The following KHDRBS2 variants were observed in gnomAD, a reference collection of about 807,000 sequenced individuals.
KHDRBS2 encodes KH RNA binding domain containing, signal transduction associated 2.
Under a neutral mutation model 44.3 loss-of-function variants are expected in KHDRBS2, and 26 were observed. The observed-to-expected ratio is 0.59, with a 90% CI of 0.43 to 0.81. The LOEUF (loss-of-function observed/expected upper bound fraction) is 0.81, where lower values mean the gene tolerates loss of function less well. Among genes scored for constraint, KHDRBS2 ranks in the 40% least tolerant of loss-of-function variants. The probability of loss-of-function intolerance (pLI) is 0.00; values close to 1 mark genes in which losing one functional copy is unlikely to be tolerated. For missense variants in KHDRBS2, 476 were observed against 433.1 expected, an observed-to-expected ratio of 1.10 and a Z score of -0.88; for synonymous variants, 194 against 151.1, an observed-to-expected ratio of 1.28 and a Z score of -2.08.
At chr6:62,025,822 C>A (rs1360760567) in intron 3 of KHDRBS2, among the ~76,000 whole-genome samples, 2 of 151,968 alleles carry the variant, frequency 1.3e-5, no homozygotes, top group African/African-American at 4.8e-5. Flanking sequence ...CCAGCTTTTG[C>A]TTATTATTTC....
At chr6:61,713,608 C>G (rs1321862073) in intron 7 of KHDRBS2, among the ~76,000 whole-genome samples, 3 of 145,038 alleles carry the variant, frequency 2.1e-5, no homozygotes, top group African/African-American at 7.6e-5. Flanking sequence ...CTTAGGATTG[C>G]TTTGGCTTTT....
intron 4 of KHDRBS2, among the ~76,000 whole-genome samples, chr6:61,915,701 A>C (rs189052186): frequency 5.8e-4 from 89 of 152,214 alleles, no homozygotes; most frequent in Non-Finnish European, 1.0e-3. Context: ...AGATTTAAAA[A>C]TACTATCAAC....
At chr6:61,900,866 G>A (rs1803854511) in intron 5 of KHDRBS2, among the ~76,000 whole-genome samples, 1 of 152,186 alleles carries the variant, frequency 6.6e-6, no homozygotes, top group South Asian at 2.1e-4. Flanking sequence ...TCATGCGTGT[G>A]TTCTAATCCT....
chr6:62,240,600 A>T (rs1463761628), intron 1 of KHDRBS2, among the ~76,000 whole-genome samples: 1 of 147,082 alleles, frequency 6.8e-6, no homozygotes, highest in East Asian at 2.0e-4. Flanking sequence ...ATACATATAC[A>T]TACATATATC....
the KHDRBS2 span, among the ~76,000 whole-genome samples, chr6:61,605,324 T>G: frequency 6.6e-6 from 1 of 152,208 alleles, no homozygotes; most frequent in African/African-American, 2.4e-5. Flanking sequence ...TTGTTTACAC[T>G]GCTGGATTAC....
chr6:62,033,276 C>T (rs886283288), intron 3 of KHDRBS2, among the ~76,000 whole-genome samples: 5 of 151,766 alleles, frequency 3.3e-5, no homozygotes, highest in East Asian at 1.9e-4. Flanking sequence ...GTAGAGAAAG[C>T]GATAAGGGTA....
intron 6 of KHDRBS2, among the ~76,000 whole-genome samples, chr6:61,875,628 GTAT>G (rs2127309599): frequency 6.6e-6 from 1 of 152,196 alleles, no homozygotes; most frequent in East Asian, 1.9e-4. Context: ...TTTCCACAAA[GTAT>G]TATATCTATC....
intron 4 of KHDRBS2, among the ~76,000 whole-genome samples, chr6:61,925,876 T>A (rs1808871854): frequency 6.6e-6 from 1 of 152,190 alleles, no homozygotes; most frequent in Non-Finnish European, 1.5e-5. Flanking sequence ...CACTGCATTA[T>A]GGAACATTTA....
intron 6 of KHDRBS2, among the ~76,000 whole-genome samples, chr6:61,789,371 A>C (rs1784287956): frequency 6.6e-6 from 1 of 151,540 alleles, no homozygotes; most frequent in Non-Finnish European, 1.5e-5. Flanking sequence ...TGGTAGTAAA[A>C]GCAAAAATCA....
At chr6:62,091,203 T>A (rs1799435730) in intron 2 of KHDRBS2, among the ~76,000 whole-genome samples, 2 of 152,124 alleles carry the variant, frequency 1.3e-5, no homozygotes, top group African/African-American at 4.8e-5. Flanking sequence ...CCCATCAGGG[T>A]CAAATCTTAG....
intron 6 of KHDRBS2, among the ~76,000 whole-genome samples, chr6:61,789,420 GAAAC>G (rs1489893641): frequency 1.3e-5 from 2 of 151,332 alleles, no homozygotes; most frequent in Admixed American, 6.6e-5. Flanking sequence ...AAAGAATAAA[GAAAC>G]AAATTTAAAA....
intron 6 of KHDRBS2, among the ~76,000 whole-genome samples, chr6:61,877,828 T>C (rs1428968321): frequency 1.3e-5 from 2 of 151,986 alleles, no homozygotes; most frequent in African/African-American, 4.8e-5. Flanking sequence ...AGTGAAAATA[T>C]AGATATTATT....
At chr6:62,145,320 T>A (rs1284125041) in intron 2 of KHDRBS2, among the ~76,000 whole-genome samples, 1 of 151,612 alleles carries the variant, frequency 6.6e-6, no homozygotes, top group African/African-American at 2.4e-5. Flanking sequence ...TAAATTTATT[T>A]TATAGTTTTC....
At chr6:61,763,237 G>A (rs2127573350) in intron 6 of KHDRBS2, among the ~76,000 whole-genome samples, 1 of 152,262 alleles carries the variant, frequency 6.6e-6, no homozygotes, top group Admixed American at 6.5e-5. Context: ...TTGATCACTA[G>A]AGTGTTCTTC....
At chr6:62,059,198 G>GGTTT (rs1791036563) in intron 2 of KHDRBS2, among the ~76,000 whole-genome samples, 2 of 24,878 alleles carry the variant, frequency 8.0e-5, no homozygotes, top group African/African-American at 1.1e-4. Flanking sequence ...AAGTTAGGAA[G>GGTTT]TTTTTTTTTT....
intron 4 of KHDRBS2, among the ~76,000 whole-genome samples, chr6:61,920,253 C>T (rs1331828989): frequency 2.0e-5 from 3 of 151,822 alleles, no homozygotes; most frequent in Admixed American, 1.3e-4. Flanking sequence ...CACTTTGTGG[C>T]TTACCGTGAA....
chr6:61,631,979 T>C, the KHDRBS2 span, among the ~76,000 whole-genome samples: 29,374 of 152,054 alleles, frequency 0.19, 2,986 homozygotes, highest in African/African-American at 0.23. Context: ...AATATAGATT[T>C]TGAAAGGGAC....
chr6:62,033,128 T>G (rs192868257), intron 3 of KHDRBS2, among the ~76,000 whole-genome samples: 1 of 151,784 alleles, frequency 6.6e-6, no homozygotes, highest in Admixed American at 6.6e-5. Flanking sequence ...AAGAAATAAT[T>G]AGTGAGCTTG....
At chr6:62,229,266 C>A (rs536790711) in intron 1 of KHDRBS2, among the ~76,000 whole-genome samples, 2 of 152,182 alleles carry the variant, frequency 1.3e-5, no homozygotes, top group South Asian at 4.1e-4. Flanking sequence ...CAAGGTCAGG[C>A]CTGAAGGGGC....
Sources: gnomAD v4.1 joint callset for allele counts (sites outside exome capture counted in the v4.1 genomes callset) on GRCh38, gnomAD v4.1.1 for gene constraint, MANE v1.5 for transcripts, NCBI Gene and HGNC (gene_info 2026-07-23, HGNC 2026-07-21) for gene names.